Variants in SEMA3D observed in about 807,000 individuals in gnomAD.
SEMA3D encodes semaphorin 3D, also known as semaphorin-3D.
In SEMA3D, 84 loss-of-function variants were observed where a neutral mutation model predicts 100.1. That is an observed-to-expected ratio of 0.84 (90% CI 0.70 to 1.01). The LOEUF (loss-of-function observed/expected upper bound fraction) is 1.01, where lower values mean the gene tolerates loss of function less well. Ranked by LOEUF, SEMA3D falls within the 50% of genes least tolerant of loss-of-function variation. SEMA3D has a pLI of 0.00. For synonymous variants in SEMA3D, 312 were observed against 320.7 expected, an observed-to-expected ratio of 0.97 and a Z score of 0.29; for missense variants, 875 against 934.1, an observed-to-expected ratio of 0.94 and a Z score of 0.82.
chr7:85,054,046 G>T (rs1791241371), intron 9 of SEMA3D, among the ~76,000 whole-genome samples: 1 of 151,774 alleles, frequency 6.6e-6, no homozygotes, highest in African/African-American at 2.4e-5. Context: ...GATGTTTAGA[G>T]AATAGGTTAT....
intron 9 of SEMA3D, among the ~76,000 whole-genome samples, chr7:85,046,157 C>T (rs959717212): frequency 1.3e-4 from 19 of 151,944 alleles, no homozygotes; most frequent in Non-Finnish European, 2.5e-4. Flanking sequence ...ATCTGCTTAA[C>T]GACATTCCTT....
At chr7:85,200,690 G>A in the SEMA3D span, among the ~76,000 whole-genome samples, 1 of 152,202 alleles carries the variant, frequency 6.6e-6, no homozygotes, top group Non-Finnish European at 1.5e-5. Context: ...AAGTAACAAG[G>A]AGCTGAATGT....
the SEMA3D span, among the ~76,000 whole-genome samples, chr7:85,207,239 A>G: frequency 6.6e-6 from 1 of 152,060 alleles, no homozygotes; most frequent in Admixed American, 6.6e-5. Context: ...GGGTGTTTTC[A>G]TCTCCTTCAG....
chr7:85,026,814 C>G (rs1308665599), intron 12 of SEMA3D, among the ~76,000 whole-genome samples: 1 of 151,886 alleles, frequency 6.6e-6, no homozygotes, highest in Non-Finnish European at 1.5e-5. Context: ...TAGAATCATG[C>G]TAAAGCTCAA....
chr7:85,015,072 G>A lies in SEMA3D; in HGVS notation c.1690C>T (p.Pro564Ser). 6.2e-7 allele frequency: 1 copy of A among 1,610,876 alleles called. No homozygotes were observed. Among genetic ancestry groups the A allele is most frequent in the South Asian group, 1.1e-5 (1 of 90,950 alleles). ...WDGNACSRYA[P>S]TSKRRARRQD... ...TGTGCCTCTTACCTTTTAGAAGTAGGAGCATATCGAGAGCATGCATTTCCA... is the reference window on the plus strand; with the variant it reads ...TGTGCCTCTTACCTTTTAGAAGTAGAAGCATATCGAGAGCATGCATTTCCA... Residue 564 changes from proline (P) to serine (S), a missense_variant, in exon 16 of 19, where the codon CCT (proline) becomes TCT (serine). Pro to Ser is a moderately conservative substitution (Grantham distance 74, BLOSUM62 -1). Coordinates refer to ENST00000284136, the MANE Select transcript of SEMA3D (RefSeq NM_001384900.1).
At chr7:85,105,845 C>T (rs932226726) in intron 3 of SEMA3D, among the ~76,000 whole-genome samples, 7 of 152,034 alleles carry the variant, frequency 4.6e-5, no homozygotes, top group African/African-American at 1.7e-4. Context: ...CTTATTATGT[C>T]ATGGGGTCTG....
the SEMA3D span, among the ~76,000 whole-genome samples, chr7:85,197,666 A>ATCTCT: frequency 6.6e-6 from 1 of 152,278 alleles, no homozygotes; most frequent in African/African-American, 2.4e-5. Context: ...CTCAGAATAA[A>ATCTCT]TCTCTTAAAA....
chr7:85,121,435 T>G (rs1187146331), intron 3 of SEMA3D, among the ~76,000 whole-genome samples: 1 of 152,198 alleles, frequency 6.6e-6, no homozygotes, highest in African/African-American at 2.4e-5. Flanking sequence ...GTAAGAGTTA[T>G]ATGAAATGTG....
chr7:85,031,275 C>T (rs1359110116), intron 12 of SEMA3D, among the ~76,000 whole-genome samples: 1 of 151,896 alleles, frequency 6.6e-6, no homozygotes, highest in Non-Finnish European at 1.5e-5. Context: ...ATCTTAATAG[C>T]AATACAGATG....
intron 3 of SEMA3D, among the ~76,000 whole-genome samples, chr7:85,110,219 C>T (rs1583932526): frequency 1.3e-5 from 2 of 151,882 alleles, no homozygotes; most frequent in South Asian, 2.1e-4. Context: ...TGTGAAGCTC[C>T]ATAGACCAAT....
chr7:85,030,835 A>G (rs1790527945), intron 12 of SEMA3D, among the ~76,000 whole-genome samples: 2 of 152,120 alleles, frequency 1.3e-5, no homozygotes, highest in African/African-American at 2.4e-5. Context: ...GCTGGATTCA[A>G]TTTGGTTTCT....
chr7:85,198,933 T>C, the SEMA3D span, among the ~76,000 whole-genome samples: 1 of 151,698 alleles, frequency 6.6e-6, no homozygotes, highest in Non-Finnish European at 1.5e-5. Flanking sequence ...AAAATGTAAA[T>C]AGCCATACAT....
chr7:85,124,278 C>T (rs1583946822), intron 2 of SEMA3D, among the ~76,000 whole-genome samples: 1 of 151,896 alleles, frequency 6.6e-6, no homozygotes, highest in African/African-American at 2.4e-5. Context: ...CTTTGACTTA[C>T]AGATTCTCCT....
At chr7:85,156,110 T>C (rs980978122) in intron 1 of SEMA3D, among the ~76,000 whole-genome samples, 15 of 151,472 alleles carry the variant, frequency 9.9e-5, no homozygotes, top group East Asian at 3.9e-4. Context: ...GATTTTTTTT[T>C]TTTTTTTTTT....
chr7:85,082,459 AAG>A (rs1408742292), intron 4 of SEMA3D, among the ~76,000 whole-genome samples: 1 of 152,242 alleles, frequency 6.6e-6, no homozygotes, highest in African/African-American at 2.4e-5. Context: ...AGCTTACAGA[AAG>A]AAATGCTCTC....
chr7:85,229,060 T>C, the SEMA3D span, among the ~76,000 whole-genome samples: 1 of 152,144 alleles, frequency 6.6e-6, no homozygotes, highest in Non-Finnish European at 1.5e-5. Context: ...TTTATCACCT[T>C]GTCTCTGAAA....
the SEMA3D span, among the ~76,000 whole-genome samples, chr7:85,210,869 T>C: frequency 6.6e-6 from 1 of 152,074 alleles, no homozygotes; most frequent in East Asian, 1.9e-4. Context: ...TTTAGTAGGA[T>C]TAGGCTAAAG....
the SEMA3D span, among the ~76,000 whole-genome samples, chr7:85,228,375 TA>T: frequency 6.6e-6 from 1 of 152,170 alleles, no homozygotes; most frequent in Non-Finnish European, 1.5e-5. Flanking sequence ...TTTCATTTTT[TA>T]AAAAATATTT....
At chr7:85,087,886 A>G (rs1788272879) in intron 4 of SEMA3D, among the ~76,000 whole-genome samples, 1 of 152,154 alleles carries the variant, frequency 6.6e-6, no homozygotes, top group South Asian at 2.1e-4. Context: ...ACTAGTATGA[A>G]AAGAGACCAT....
Sources: allele counts gnomAD v4.1 joint callset (sites outside exome capture counted in the v4.1 genomes callset), GRCh38; gene constraint gnomAD v4.1.1; transcripts MANE v1.5; gene names NCBI Gene and HGNC (gene_info 2026-07-23, HGNC 2026-07-21).